Variants in SLC35B3 observed in about 807,000 individuals in gnomAD.
SLC35B3 encodes the protein solute carrier family 35 member B3.
SLC35B3 carries 35 observed loss-of-function variants against 44.1 expected under a neutral mutation model. That is an observed-to-expected ratio of 0.79 (90% CI 0.61 to 1.05). SLC35B3 has a LOEUF of 1.05. Among genes scored for constraint, SLC35B3 ranks in the 50% least tolerant of loss-of-function variants. SLC35B3 has a pLI of 0.00. For synonymous variants in SLC35B3, 146 were observed against 167.3 expected (o/e 0.87, Z 0.98); for missense variants, 414 against 476.4 (o/e 0.87, Z 1.22).
chr6:8,421,188 G>A (rs115312613), intron 5 of SLC35B3, among the ~76,000 whole-genome samples: 4,618 of 152,164 alleles, frequency 0.03, 249 homozygotes, highest in African/African-American at 0.11. Context: ...GAATTTTCTC[G>A]TAGTTTGTAA....
At chr6:8,429,700 T>C in intron 3 of SLC35B3, 164 bp downstream of exon 2, 1 of 328,422 alleles carries the variant, frequency 3.0e-6, no homozygotes, top group Non-Finnish European at 5.0e-6. Context: ...AACTCTTGAA[T>C]TTTGATCTGT....
chr6:8,420,730 T>C lies in SLC35B3; in HGVS notation c.673A>G (p.Asn225Asp). 6.2e-7 allele frequency: 1 copy of C among 1,610,774 alleles called. No homozygotes were observed. Among genetic ancestry groups the C allele is most frequent in the Non-Finnish European group, 8.5e-7 (1 of 1,177,694 alleles). The stretch of plus-strand genomic sequence containing the variant: ...TAAATAAATTACTTACCCGTCAGGT[T>C]GAAATTTGGTGCAGTTGTGCTGTCA... The change falls in exon 6 of 11, where the codon AAC becomes GAC. Residue 225 changes from asparagine (N) to aspartate (D), a missense_variant. Transcript: ENST00000644923. The surrounding 1 kb of genome is among the most constrained non-coding windows in gnomAD (Gnocchi z 4.4).
At position 8,435,477 on chromosome 6, in the gene SLC35B3, C is replaced by A; in HGVS notation, c.-178G>T. ...TCCTCCTCGCCCACTCCTGCACTTT[C>A]CACCGCGGCGGTCGCCTCCCCGGAA... On this transcript the variant is annotated 5_prime_UTR_variant, in exon 1 of 11. Coordinates refer to ENST00000644923, the MANE Select transcript of SLC35B3 (RefSeq NM_001370476.2). The surrounding 1 kb of genome is among the most constrained non-coding windows in gnomAD (Gnocchi z 5.5). The A allele has an allele frequency of 9.5e-7, 1 of 1,057,884 alleles. No individual in the cohort carries two copies. Among genetic ancestry groups the A allele is most frequent in the Non-Finnish European group, 1.3e-6 (1 of 796,542 alleles). 65.5% of individuals were successfully genotyped at this position (1,057,884 alleles called of 1,614,324 possible).
chr6:8,417,334 G>A lies in SLC35B3; in HGVS notation c.873+68C>T, dbSNP rs186908982. On this transcript the variant is annotated intron_variant, in intron 8 of 10. Coordinates refer to ENST00000644923, the MANE Select transcript of SLC35B3 (RefSeq NM_001370476.2). ...TCTATGATAGCCTCTTTTGAACAAG[G>A]GAAATGAGAAATTTAGAGAAAATTA... 1.1e-3 allele frequency: 1,126 copies of A among 980,082 alleles called. 3 individuals carry two copies. The highest frequency in any genetic ancestry group is 1.4e-3 in the Non-Finnish European group (916 of 639,784). The allele number at this position is 980,082 out of a possible 1,614,324, so 60.7% of individuals were successfully genotyped here.
intron 4 of SLC35B3, among the ~76,000 whole-genome samples, chr6:8,424,540 G>A (rs1287387552): frequency 6.6e-6 from 1 of 152,132 alleles, no homozygotes; most frequent in East Asian, 1.9e-4. Context: ...GATTACAGGC[G>A]TGAGCCACTG....
chr6:8,424,260 T>A (rs1009037772), intron 4 of SLC35B3, among the ~76,000 whole-genome samples: 2 of 148,920 alleles, frequency 1.3e-5, no homozygotes, highest in Non-Finnish European at 3.0e-5. Flanking sequence ...GGGGAGAAAA[T>A]TTTTTTTTTG....
At chr6:8,426,385 T>A (rs1163433232) in intron 4 of SLC35B3, among the ~76,000 whole-genome samples, 4 of 152,194 alleles carry the variant, frequency 2.6e-5, no homozygotes, top group African/African-American at 4.8e-5. Context: ...CATCTGGAAT[T>A]GTACTCCCAT....
At position 8,432,238 on chromosome 6, in the gene SLC35B3, G is replaced by A. The variant is rs1157571252; in HGVS notation, c.4-2081C>T. On this transcript the variant is annotated intron_variant, in intron 2 of 10. Transcript: ENST00000644923. The surrounding 1 kb of genome is among the most constrained non-coding windows in gnomAD (Gnocchi z 4.8). ...CTTGGATACGATTTTTGAAATGGAT[G>A]GTGGTACTGGCAAACTTTATGAGCA... Among the ~76,000 whole-genome samples the A allele has an allele frequency of 6.6e-6, 1 of 151,728 alleles. No homozygotes were observed. Among genetic ancestry groups the A allele is most frequent in the Non-Finnish European group, 1.5e-5 (1 of 67,974 alleles).
rs572290465 is a variant in SLC35B3 at position 8,411,869 on chromosome 6, T to C, written c.*1680A>G. 6.6e-6 allele frequency among the ~76,000 whole-genome samples: 1 copy of C among 152,254 alleles called. No homozygotes were observed. The highest frequency in any genetic ancestry group is 2.4e-5 in the African/African-American group (1 of 41,574). ...TATTGAAAACGAAGAATAACAGTATTTTTAAAAAATACAATAGAAGCAATT... is the reference window on the plus strand; with the variant it reads ...TATTGAAAACGAAGAATAACAGTATCTTTAAAAAATACAATAGAAGCAATT... On this transcript the variant is annotated 3_prime_UTR_variant, in exon 11 of 11. Transcript: ENST00000644923.
intron 4 of SLC35B3, among the ~76,000 whole-genome samples, chr6:8,426,199 G>A (rs542410762): frequency 1.3e-5 from 2 of 152,132 alleles, no homozygotes; most frequent in African/African-American, 2.4e-5. Context: ...TTCAAATTTC[G>A]ATTTTTTTCA....
At chr6:8,417,630 A>T in intron 7 of SLC35B3, 136 bp from the exon 7 acceptor site, 1 of 528,324 alleles carries the variant, frequency 1.9e-6, no homozygotes, top group East Asian at 3.2e-5. Flanking sequence ...AATATGGCCT[A>T]AATTTCCAGA....
At chr6:8,415,378 C>T (rs1581227226) in intron 9 of SLC35B3, among the ~76,000 whole-genome samples, 1 of 152,108 alleles carries the variant, frequency 6.6e-6, no homozygotes. Flanking sequence ...TAATAGGGGT[C>T]ATCTCTGGAT....
chr6:8,414,600 C>T (rs1561743444), intron 10 of SLC35B3, among the ~76,000 whole-genome samples: 1 of 152,080 alleles, frequency 6.6e-6, no homozygotes, highest in African/African-American at 2.4e-5. Context: ...CATATTCACT[C>T]ATAATGGAAA....
rs948406386 is a variant in SLC35B3 at position 8,433,582 on chromosome 6, G to C, written c.3+803C>G. On this transcript the variant is annotated intron_variant, in intron 2 of 10. Coordinates refer to ENST00000644923, the MANE Select transcript of SLC35B3 (RefSeq NM_001370476.2). This position sits in a 1 kb window ranked among gnomAD's most constrained non-coding sequence, Gnocchi z 4.1. Reference sequence around the variant, plus strand: ...GGCAACTTTATGTGCTGCAGATCTAGGCCATATGTGCAGAATGAAATCTCT... The same window carrying C: ...GGCAACTTTATGTGCTGCAGATCTACGCCATATGTGCAGAATGAAATCTCT... Among the ~76,000 whole-genome samples the C allele has an allele frequency of 3.9e-5, 6 of 152,106 alleles. No homozygotes were observed. Among genetic ancestry groups the C allele is most frequent in the African/African-American group, 1.4e-4 (6 of 41,402 alleles).
intron 9 of SLC35B3, 111 bp downstream of exon 8, chr6:8,416,773 T>C: frequency 4.1e-6 from 2 of 487,858 alleles, no homozygotes; most frequent in South Asian, 4.7e-5. Flanking sequence ...TGGTGAAATA[T>C]GATAATTTTC....
Position 8,435,377 on chromosome 6 carries a change from C to T in SLC35B3, c.-78G>A, listed in dbSNP as rs955277289. On this transcript the variant is annotated 5_prime_UTR_variant, in exon 1 of 11. Transcript: ENST00000644923. The surrounding 1 kb of genome is among the most constrained non-coding windows in gnomAD (Gnocchi z 5.5). Reference sequence around the variant, plus strand: ...GGTATGTCACCCGGAAGGGTGACGGCAGCCTGCGTGGCGTCTGAGCTAGAC... The same window carrying T: ...GGTATGTCACCCGGAAGGGTGACGGTAGCCTGCGTGGCGTCTGAGCTAGAC... The T allele has an allele frequency of 7.0e-6, 9 of 1,288,864 alleles. No individual in the cohort carries two copies. The highest frequency in any genetic ancestry group is 9.1e-6 in the Non-Finnish European group (9 of 988,830). The allele number at this position is 1,288,864 out of a possible 1,614,324, so 79.8% of individuals were successfully genotyped here.
At chr6:8,416,841 G>A in intron 9 of SLC35B3, 43 bp downstream of exon 8, 1 of 1,004,292 alleles carries the variant, frequency 1.0e-6, no homozygotes, top group Non-Finnish European at 1.5e-6. Flanking sequence ...CAGAGAAAAT[G>A]TAAATGCTTA....
rs1764174541 is a variant in SLC35B3 at position 8,433,359 on chromosome 6, G to A, written c.3+1026C>T. ...CAAATTCCTAAATGATAATGGTATA[G>A]CTTTTTCGTTTTTATACTTGTTTCT... On this transcript the variant is annotated intron_variant, in intron 2 of 10. Coordinates refer to ENST00000644923, the MANE Select transcript of SLC35B3 (RefSeq NM_001370476.2). The surrounding 1 kb of genome is among the most constrained non-coding windows in gnomAD (Gnocchi z 4.1). Among the ~76,000 whole-genome samples, 1 of 152,116 alleles carries A rather than the reference G, an allele frequency of 6.6e-6. No homozygotes were observed. The highest frequency in any genetic ancestry group is 1.9e-4 in the East Asian group (1 of 5,180).
In SLC35B3 at chr6:8,432,837, A is replaced by G. The variant is rs923964422; in HGVS notation, c.3+1548T>C. The stretch of plus-strand genomic sequence containing the variant: ...CCCTTTGATGTGCAGCTGGAAATAC[A>G]GACCTGAATTTCCAACGCTGCCTTC... On this transcript the variant is annotated intron_variant, in intron 2 of 10. Transcript: ENST00000644923. This position sits in a 1 kb window ranked among gnomAD's most constrained non-coding sequence, Gnocchi z 4.8. 1.3e-5 allele frequency among the ~76,000 whole-genome samples: 2 copies of G among 152,198 alleles called. No individual in the cohort carries two copies. Among genetic ancestry groups the G allele is most frequent in the Non-Finnish European group, 2.9e-5 (2 of 68,034 alleles).
Sources: allele counts gnomAD v4.1 joint callset (sites outside exome capture counted in the v4.1 genomes callset), GRCh38; gene constraint gnomAD v4.1.1; non-coding constraint Gnocchi (gnomAD v3.1); transcripts MANE v1.5; gene names NCBI Gene and HGNC (gene_info 2026-07-23, HGNC 2026-07-21).